Variants in TTC8 observed in about 807,000 individuals in gnomAD.
TTC8 encodes tetratricopeptide repeat protein 8.
TTC8 carries 47 observed loss-of-function variants against 72.5 expected under a neutral mutation model. The ratio of observed to expected loss-of-function variants is 0.65; its 90% CI spans 0.51 to 0.83. The LOEUF (loss-of-function observed/expected upper bound fraction) is 0.83, where lower values mean the gene tolerates loss of function less well. Ranked by LOEUF, TTC8 falls within the 40% of genes least tolerant of loss-of-function variation. TTC8 has a pLI of 0.00. For synonymous variants in TTC8, 199 were observed against 221.4 expected, an observed-to-expected ratio of 0.90 and a Z score of 0.90; for missense variants, 611 against 623.2, an observed-to-expected ratio of 0.98 and a Z score of 0.21.
At chr14:88,857,854 G>T (rs1020735772) in intron 9 of TTC8, among the ~76,000 whole-genome samples, 1 of 152,158 alleles carries the variant, frequency 6.6e-6, no homozygotes, top group African/African-American at 2.4e-5. Context: ...TTGGTGGTTA[G>T]GAGTTAGCAT....
At chr14:88,866,137 G>A (rs369172828) in intron 10 of TTC8, among the ~76,000 whole-genome samples, 2 of 151,992 alleles carry the variant, frequency 1.3e-5, no homozygotes, top group East Asian at 1.9e-4. Flanking sequence ...GAATGAGGAC[G>A]ATTTTTCTAA....
At chr14:88,856,464 G>A (rs1595964050) in intron 8 of TTC8, among the ~76,000 whole-genome samples, 1 of 152,148 alleles carries the variant, frequency 6.6e-6, no homozygotes, top group East Asian at 1.9e-4. Flanking sequence ...AAAATGAGTG[G>A]TTATGAGTAA....
chr14:88,865,201 T>A (rs1306363037), intron 10 of TTC8, among the ~76,000 whole-genome samples: 1 of 152,192 alleles, frequency 6.6e-6, no homozygotes, highest in Non-Finnish European at 1.5e-5. Flanking sequence ...GGAAATGTTA[T>A]TCTAGAGGTC....
chr14:88,837,618 G>T (rs2094758895), intron 2 of TTC8, among the ~76,000 whole-genome samples: 1 of 152,180 alleles, frequency 6.6e-6, no homozygotes, highest in African/African-American at 2.4e-5. Flanking sequence ...GCTGAGCAAA[G>T]AATGCTCTTT....
In TTC8 at chr14:88,871,443, A is replaced by C; in HGVS notation, c.1050-106A>C. ...ATTTATATTCTTAAGGAGTATCAAA[A>C]ATCACAAGATGAATTCATTTTTAAC... On this transcript the variant is annotated intron_variant, in intron 11 of 14. Transcript: ENST00000380656. The surrounding 1 kb of genome is among the most constrained non-coding windows in gnomAD (Gnocchi z 4.1). The C allele has an allele frequency of 9.5e-7, 1 of 1,053,478 alleles. No individual in the cohort carries two copies. The allele number at this position is 1,053,478 out of a possible 1,614,324, so 65.3% of individuals were successfully genotyped here.
At chr14:88,837,749 G>A (rs1311457804) in intron 2 of TTC8, among the ~76,000 whole-genome samples, 1 of 152,144 alleles carries the variant, frequency 6.6e-6, no homozygotes, top group African/African-American at 2.4e-5. Context: ...AGCCATTGAG[G>A]ACTTCCCCGA....
At chr14:88,874,246 A>T (rs1277049097) in intron 13 of TTC8, among the ~76,000 whole-genome samples, 1 of 152,130 alleles carries the variant, frequency 6.6e-6, no homozygotes, top group Non-Finnish European at 1.5e-5. Context: ...TATTAGCTTG[A>T]TATCATTTTG....
chr14:88,874,819 A>C (rs917706838), intron 13 of TTC8, among the ~76,000 whole-genome samples: 9 of 152,152 alleles, frequency 5.9e-5, no homozygotes, highest in African/African-American at 1.9e-4. Context: ...TTTATTATTA[A>C]CATAATTTTG....
At chr14:88,844,489 T>G (rs986442266) in intron 7 of TTC8, among the ~76,000 whole-genome samples, 2 of 152,160 alleles carry the variant, frequency 1.3e-5, no homozygotes, top group African/African-American at 4.8e-5. Flanking sequence ...AGGCTTTATA[T>G]CCATACATTA....
At chr14:88,851,155 G>C (rs2094831817) in intron 7 of TTC8, among the ~76,000 whole-genome samples, 1 of 152,116 alleles carries the variant, frequency 6.6e-6, no homozygotes. Context: ...CATTATACCA[G>C]CTTAGTTTAA....
At chr14:88,848,990 C>T (rs965692761) in intron 7 of TTC8, among the ~76,000 whole-genome samples, 1 of 152,144 alleles carries the variant, frequency 6.6e-6, no homozygotes, top group African/African-American at 2.4e-5. Flanking sequence ...TTATTTTCAT[C>T]TGCTTACCCC....
chr14:88,838,720 A>G (rs2094764841), intron 2 of TTC8, among the ~76,000 whole-genome samples: 1 of 152,236 alleles, frequency 6.6e-6, no homozygotes, highest in South Asian at 2.1e-4. Context: ...TTCAAGGTAA[A>G]GCAAAGCTGA....
At chr14:88,826,799 T>TA (rs2094703566) in intron 1 of TTC8, among the ~76,000 whole-genome samples, 1 of 152,170 alleles carries the variant, frequency 6.6e-6, no homozygotes, top group Admixed American at 6.5e-5. Context: ...TCCATTGAGT[T>TA]ACGGTAGTTT....
intron 7 of TTC8, 21 bp downstream of exon 7, chr14:88,843,871 A>C (rs2094793860): frequency 6.6e-7 from 1 of 1,514,732 alleles, no homozygotes; most frequent in African/African-American, 1.4e-5. Context: ...AATTCATGCT[A>C]TTTTCTTTTA....
intron 6 of TTC8, among the ~76,000 whole-genome samples, chr14:88,842,864 G>A (rs1253516428): frequency 6.6e-6 from 1 of 152,020 alleles, no homozygotes; most frequent in Non-Finnish European, 1.5e-5. Flanking sequence ...ATGCTGTAAC[G>A]TCATTTTCAT....
intron 1 of TTC8, among the ~76,000 whole-genome samples, chr14:88,829,449 G>A (rs895112850): frequency 1.3e-5 from 2 of 152,194 alleles, no homozygotes; most frequent in African/African-American, 2.4e-5. Context: ...TGTTCCATAT[G>A]TCAGATTCAT....
chr14:88,874,744 T>C (rs1331191816), intron 13 of TTC8, among the ~76,000 whole-genome samples: 2 of 152,186 alleles, frequency 1.3e-5, no homozygotes, highest in African/African-American at 4.8e-5. Context: ...AGAACATTGG[T>C]TCCCAAATAA....
intron 7 of TTC8, among the ~76,000 whole-genome samples, chr14:88,852,220 C>T (rs973543879): frequency 6.6e-6 from 1 of 152,116 alleles, no homozygotes; most frequent in African/African-American, 2.4e-5. Context: ...AAATGGTTTC[C>T]ACCTCCTCTA....
Position 88,857,278 on chromosome 14 carries a change from G to A in TTC8, c.798+1G>A, listed in dbSNP as rs2094861094. 1 of 1,612,564 alleles carries A rather than the reference G, an allele frequency of 6.2e-7. No individual in the cohort carries two copies. Among genetic ancestry groups the A allele is most frequent in the African/African-American group, 1.3e-5 (1 of 74,888 alleles). Reference sequence around the variant, plus strand: ...AGATACATTTCTGTACTTGGCAAAAGTAAGTAAATCTTAATTTGAGTGAAA... The same window carrying A: ...AGATACATTTCTGTACTTGGCAAAAATAAGTAAATCTTAATTTGAGTGAAA... On this transcript the variant is annotated splice_donor_variant, in intron 9 of 14. Transcript: ENST00000380656. LOFTEE classifies it high-confidence loss of function.
Sources: allele counts gnomAD v4.1 joint callset (sites outside exome capture counted in the v4.1 genomes callset), GRCh38; gene constraint gnomAD v4.1.1; non-coding constraint Gnocchi (gnomAD v3.1); transcripts MANE v1.5; gene names NCBI Gene and HGNC (gene_info 2026-07-23, HGNC 2026-07-21).